Variants in HEATR1 observed in about 807,000 individuals in gnomAD.
The protein encoded by HEATR1 is HEAT repeat containing 1, also known as HEAT repeat-containing protein 1.
Under a neutral mutation model 248.2 loss-of-function variants are expected in HEATR1, and 77 were observed. The ratio of observed to expected loss-of-function variants is 0.31; its 90% CI spans 0.26 to 0.37. The LOEUF is 0.37. Among genes scored for constraint, HEATR1 ranks in the 10% least tolerant of loss-of-function variants. The probability of loss-of-function intolerance (pLI) is 1.00; values close to 1 mark genes in which losing one functional copy is unlikely to be tolerated. For missense variants in HEATR1, 2,420 were observed against 2,504.9 expected, an observed-to-expected ratio of 0.97 and a Z score of 0.72; for synonymous variants, 897 against 923.1, an observed-to-expected ratio of 0.97 and a Z score of 0.51.
Position 236,574,344 on chromosome 1 carries a change from T to C in HEATR1, c.3328-11A>G, listed in dbSNP as rs1178225684. The stretch of plus-strand genomic sequence containing the variant: ...AAATGGTTTTGTAATCTAGAGGGGG[T>C]AGAAAAAAGGCAACTGAGTTCAGTG... On this transcript the variant is annotated splice_polypyrimidine_tract_variant and intron_variant, in intron 23 of 44. Coordinates refer to ENST00000366582, the MANE Select transcript of HEATR1 (RefSeq NM_018072.6). 2.5e-6 allele frequency: 4 copies of C among 1,600,782 alleles called. No homozygotes were observed. The highest frequency in any genetic ancestry group is 1.7e-6 in the Non-Finnish European group (2 of 1,176,650).
At chr1:236,581,124 ATTTTT>A in intron 20 of HEATR1, 93 bp downstream of exon 20, 3 of 959,844 alleles carry the variant, frequency 3.1e-6, no homozygotes, top group Non-Finnish European at 4.7e-6. Context: ...GCCCTCTGCT[ATTTTT>A]TTTTAAGTTA....
Position 236,594,688 on chromosome 1 carries a change from T to C in HEATR1, c.1091-574A>G, listed in dbSNP as rs374443704. On this transcript the variant is annotated intron_variant, in intron 8 of 44. Coordinates refer to ENST00000366582, the MANE Select transcript of HEATR1 (RefSeq NM_018072.6). ...AACCTCATTTTTCAGTAGACTGACA[T>C]AAGTTTAGAGAAGTCTTTCTTAGTA... Among the ~76,000 whole-genome samples the C allele has an allele frequency of 5.3e-5, 8 of 152,220 alleles. No individual in the cohort carries two copies. The East Asian group carries it at 1.5e-3, about 29-fold the overall frequency.
Position 236,566,720 on chromosome 1 carries a change from G to C in HEATR1, c.4234C>G (p.Leu1412Val). The C allele has an allele frequency of 6.2e-7, 1 of 1,614,150 alleles. No homozygotes were observed. The highest frequency in any genetic ancestry group is 8.5e-7 in the Non-Finnish European group (1 of 1,180,028). Residue 1412 changes from leucine (L) to valine (V), a missense_variant, in exon 30 of 45, where the codon CTC becomes GTC. Transcript: ENST00000366582. ...LVDTLGAEKF[L>V]WILLILLFEQ... ...AAAAGCAAGATGAGGAGAATCCAGA[G>C]GAATTTCTCTGCACCCAGTGTATCA... is the stretch of plus-strand genomic sequence containing the variant.
chr1:236,563,832 A>G (rs1307547812), intron 32 of HEATR1, among the ~76,000 whole-genome samples: 4 of 151,792 alleles, frequency 2.6e-5, no homozygotes, highest in African/African-American at 9.7e-5. Context: ...AGGTAAAGAA[A>G]GGCTGGGCAT....
chr1:236,589,102 T>A (rs1302126844), intron 12 of HEATR1, among the ~76,000 whole-genome samples: 1 of 152,156 alleles, frequency 6.6e-6, no homozygotes, highest in Non-Finnish European at 1.5e-5. Flanking sequence ...GTAAGTTGAA[T>A]GTATGCAGGG....
chr1:236,578,873 T>C (rs1206974107), intron 20 of HEATR1, among the ~76,000 whole-genome samples: 2 of 152,210 alleles, frequency 1.3e-5, no homozygotes, highest in South Asian at 2.1e-4. Context: ...GGAATGCATC[T>C]GTGAGACCAA....
chr1:236,568,159 G>A (rs12072967), intron 29 of HEATR1, among the ~76,000 whole-genome samples: 3,137 of 152,130 alleles, frequency 0.021, 110 homozygotes, highest in African/African-American at 0.072. Context: ...CTTTCACACC[G>A]GTACAAATTC....
chr1:236,576,647 T>C, intron 21 of HEATR1, 133 bp downstream of exon 21: 1 of 790,490 alleles, frequency 1.3e-6, no homozygotes, highest in East Asian at 2.6e-5. Context: ...TGTACAGATA[T>C]TGACCTATCA....
Position 236,583,174 on chromosome 1 carries a change from A to G in HEATR1, c.2264T>C (p.Ile755Thr), listed in dbSNP as rs1663799461. The change falls in exon 18 of 45, where the codon ATT becomes ACT. Residue 755 changes from isoleucine (I) to threonine (T), a missense_variant. Coordinates refer to ENST00000366582, the MANE Select transcript of HEATR1 (RefSeq NM_018072.6). ...TAVEIPSEWH[I>T]ELMLDRGIPV... ...GATCCCTCTGTCTAACATCAGTTCA[A>G]TGTGCCATTCTGAGGGGATTTCCTG... 6.2e-7 allele frequency: 1 copy of G among 1,604,864 alleles called. No individual in the cohort carries two copies. The highest frequency in any genetic ancestry group is 1.1e-5 in the South Asian group (1 of 89,550).
intron 31 of HEATR1, among the ~76,000 whole-genome samples, chr1:236,565,439 C>T (rs1289671918): frequency 1.3e-5 from 2 of 152,322 alleles, no homozygotes; most frequent in Admixed American, 1.3e-4. Flanking sequence ...CAGGCTAACA[C>T]CATCACACCT....
intron 24 of HEATR1, 28 bp from the exon 25 acceptor site, chr1:236,572,856 T>A (rs773058655): frequency 3.2e-6 from 5 of 1,569,032 alleles, no homozygotes; most frequent in Non-Finnish European, 3.5e-6. Flanking sequence ...GAAGAGTTGA[T>A]GATATAATCC....
intron 16 of HEATR1, 43 bp from the exon 17 acceptor site, chr1:236,585,259 T>C: frequency 6.5e-7 from 1 of 1,535,690 alleles, no homozygotes; most frequent in Non-Finnish European, 8.8e-7. Context: ...CTCTTGATTT[T>C]CATAAAACAA....
At chr1:236,589,700 C>G (rs1663982147) in intron 12 of HEATR1, among the ~76,000 whole-genome samples, 1 of 152,188 alleles carries the variant, frequency 6.6e-6, no homozygotes, top group Non-Finnish European at 1.5e-5. Flanking sequence ...CCATGTGCTA[C>G]AAGGAAACTA....
At chr1:236,553,769 A>G (rs759892450) in intron 42 of HEATR1, 30 bp from the exon 43 acceptor site, 21 of 1,574,548 alleles carry the variant, frequency 1.3e-5, no homozygotes, top group Non-Finnish European at 1.8e-5. Flanking sequence ...GACTTTGAAC[A>G]ACAAGTCTCA....
intron 20 of HEATR1, among the ~76,000 whole-genome samples, chr1:236,577,257 T>C (rs149504108): frequency 1.8e-3 from 280 of 152,206 alleles, no homozygotes; most frequent in African/African-American, 6.6e-3. Context: ...GTTCAAGCAA[T>C]TCTCCTGCCT....
rs950354442 is a variant in HEATR1, at chr1:236,576,724, T to C, written c.2925+56A>G. The C allele has an allele frequency of 1.3e-5, 19 of 1,476,666 alleles. 1 individual carries two copies. Among genetic ancestry groups the C allele is most frequent in the African/African-American group, 4.2e-5 (3 of 71,164 alleles). 91.5% of individuals were successfully genotyped at this position (1,476,666 alleles called of 1,614,324 possible). A position where few individuals can be genotyped will look rare whatever the true frequency, so the allele number is the denominator to read the frequency against. On this transcript the variant is annotated intron_variant, in intron 21 of 44. Transcript: ENST00000366582. ...AGTGAAATGTCGAGAATGGAGAAAATTGCTCCAGTACACAGAGGCATGAAC... is the reference window on the plus strand; with the variant it reads ...AGTGAAATGTCGAGAATGGAGAAAACTGCTCCAGTACACAGAGGCATGAAC...
rs1480864224 is a variant in HEATR1, at chr1:236,599,472, A to C, written c.501+11T>G. The C allele has an allele frequency of 6.2e-7, 1 of 1,608,128 alleles. No individual in the cohort carries two copies. Among genetic ancestry groups the C allele is most frequent in the Admixed American group, 1.7e-5 (1 of 59,128 alleles). On this transcript the variant is annotated intron_variant, in intron 4 of 44. Transcript: ENST00000366582. Reference sequence around the variant, plus strand: ...TAATGATTACAGACATATGTCATTCAGCAATTATACCTTAACTGGCAACAA... The same window carrying C: ...TAATGATTACAGACATATGTCATTCCGCAATTATACCTTAACTGGCAACAA...
At chr1:236,551,030 C>CA in intron 44 of HEATR1, 40 bp from the exon 45 acceptor site, 1 of 1,473,878 alleles carries the variant, frequency 6.8e-7, no homozygotes, top group Non-Finnish European at 9.2e-7. Context: ...AAATCTGAGT[C>CA]AGTCCGCCTG....
intron 18 of HEATR1, 24 bp from the exon 19 acceptor site, chr1:236,582,896 T>C: frequency 6.2e-7 from 1 of 1,612,772 alleles, no homozygotes; most frequent in Non-Finnish European, 8.5e-7. Flanking sequence ...GAAAGAGAAA[T>C]GATGCTAGAT....
Sources: allele counts gnomAD v4.1 joint callset (sites outside exome capture counted in the v4.1 genomes callset), GRCh38; gene constraint gnomAD v4.1.1; transcripts MANE v1.5; gene names NCBI Gene and HGNC (gene_info 2026-07-23, HGNC 2026-07-21).